Variants in CFAP54 observed in about 807,000 individuals in gnomAD.
CFAP54 encodes cilia and flagella associated protein 54, also known as cilia- and flagella-associated protein 54.
A neutral mutation model predicts 370.4 loss-of-function variants in CFAP54; 290 were observed. The observed-to-expected ratio is 0.78, with a 90% CI of 0.71 to 0.86. CFAP54 has a LOEUF of 0.86. Among genes scored for constraint, CFAP54 ranks in the 40% least tolerant of loss-of-function variants. The pLI is 0.00. For synonymous variants in CFAP54, 1,206 were observed against 1,236.5 expected, an observed-to-expected ratio of 0.98 and a Z score of 0.52; for missense variants, 3,399 against 3,528.7, an observed-to-expected ratio of 0.96 and a Z score of 0.93.
intron 1 of CFAP54, among the ~76,000 whole-genome samples, chr12:96,490,649 G>A (rs775938009): frequency 6.6e-6 from 1 of 151,864 alleles, no homozygotes; most frequent in Non-Finnish European, 1.5e-5. Context: ...CTGGGATCGC[G>A]CCACTACACT....
intron 26 of CFAP54, among the ~76,000 whole-genome samples, chr12:96,607,643 C>A (rs921346530): frequency 6.6e-6 from 1 of 152,142 alleles, no homozygotes; most frequent in Non-Finnish European, 1.5e-5. Flanking sequence ...AAGGAATAGG[C>A]TTCCTGAGTC....
intron 19 of CFAP54, 32 bp downstream of exon 19, chr12:96,564,797 G>T: frequency 1.8e-6 from 1 of 552,206 alleles, no homozygotes; most frequent in East Asian, 3.1e-5. Context: ...TTTTAATCCT[G>T]ACATAAAATT....
At chr12:96,795,585 C>T (rs1958753250) in intron 63 of CFAP54, among the ~76,000 whole-genome samples, 1 of 152,000 alleles carries the variant, frequency 6.6e-6, no homozygotes, top group Non-Finnish European at 1.5e-5. Flanking sequence ...TGACAGGCCT[C>T]ACCCAGCTCC....
chr12:96,611,756 C>T (rs921820107), intron 26 of CFAP54, among the ~76,000 whole-genome samples: 4 of 152,066 alleles, frequency 2.6e-5, no homozygotes, highest in Non-Finnish European at 5.9e-5. Context: ...CTTCAGTAGT[C>T]GATTTGATCA....
chr12:96,671,748 C>T (rs1957148761), intron 39 of CFAP54, among the ~76,000 whole-genome samples: 1 of 152,000 alleles, frequency 6.6e-6, no homozygotes, highest in Non-Finnish European at 1.5e-5. Flanking sequence ...ACGGTGAAAC[C>T]CCGTCTCTAC....
chr12:96,787,308 T>C (rs1212442187), intron 62 of CFAP54, among the ~76,000 whole-genome samples: 1 of 147,540 alleles, frequency 6.8e-6, no homozygotes, highest in Non-Finnish European at 1.5e-5. Context: ...TCATTGTGAG[T>C]ACCTTTTGCA....
rs1389152817 is a variant in CFAP54, at chr12:96,512,298, ATT to A, written c.740-685_740-684del. Among the ~76,000 whole-genome samples, 212 of 56,228 alleles carry A rather than the reference ATT, an allele frequency of 3.8e-3. 1 individual carries two copies. The highest frequency in any genetic ancestry group is 9.9e-3 in the African/African-American group (137 of 13,778). 36.9% of individuals were successfully genotyped at this position (56,228 alleles called of 152,430 possible). A position where few individuals can be genotyped will look rare whatever the true frequency, so the allele number is the denominator to read the frequency against. ...AATGATAAGGAAACCATGGGAACCAATTTTATATATATATATATATATATATA... is the reference window on the plus strand; with the variant it reads ...AATGATAAGGAAACCATGGGAACCAATTATATATATATATATATATATATA... On this transcript the variant is annotated intron_variant, in intron 4 of 67. Coordinates refer to ENST00000524981, the MANE Select transcript of CFAP54 (RefSeq NM_001306084.2).
At chr12:96,714,293 A>C (rs1957649418) in intron 48 of CFAP54, among the ~76,000 whole-genome samples, 1 of 152,226 alleles carries the variant, frequency 6.6e-6, no homozygotes, top group African/African-American at 2.4e-5. Flanking sequence ...AGGCATGTTA[A>C]GTGTGGGATG....
intron 60 of CFAP54, among the ~76,000 whole-genome samples, chr12:96,780,454 A>G (rs1358215903): frequency 6.6e-6 from 1 of 152,150 alleles, no homozygotes; most frequent in Non-Finnish European, 1.5e-5. Context: ...CTGCAGTGTT[A>G]CATCTCTCAT....
At chr12:96,598,352 A>T (rs1026560416) in intron 25 of CFAP54, among the ~76,000 whole-genome samples, 11 of 151,982 alleles carry the variant, frequency 7.2e-5, no homozygotes, top group Non-Finnish European at 2.9e-5. Flanking sequence ...TCACATTCTG[A>T]CTATACCTTT....
intron 5 of CFAP54, among the ~76,000 whole-genome samples, chr12:96,518,561 C>G (rs1406845042): frequency 6.6e-6 from 1 of 152,108 alleles, no homozygotes; most frequent in African/African-American, 2.4e-5. Flanking sequence ...TGGTGCACAC[C>G]TGTAGTTCCA....
Position 96,658,042 on chromosome 12 carries a change from TA to T in CFAP54, c.5262del (p.Leu1754PhefsTer10). 6.2e-7 allele frequency: 1 copy of T among 1,614,070 alleles called. No individual in the cohort carries two copies. Among genetic ancestry groups the T allele is most frequent in the Non-Finnish European group, 8.5e-7 (1 of 1,179,974 alleles). ...HDFVLKSLEV[L>X]YQVEKWETLV... ...TTTGTATTAAAATCTCTGGAAGTTT[TA>T]TATCAAGTGGAAAAATGGGAAACAC... On this transcript the variant is annotated frameshift_variant, in exon 37 of 68. Transcript: ENST00000524981. LOFTEE classifies it high-confidence loss of function.
At chr12:96,628,490 G>A (rs921054925) in intron 30 of CFAP54, among the ~76,000 whole-genome samples, 2 of 152,130 alleles carry the variant, frequency 1.3e-5, no homozygotes, top group South Asian at 2.1e-4. Flanking sequence ...AAGCACCCTG[G>A]TAGTGAGGGA....
At chr12:96,634,226 T>C (rs376512301) in intron 32 of CFAP54, among the ~76,000 whole-genome samples, 1 of 151,920 alleles carries the variant, frequency 6.6e-6, no homozygotes, top group Admixed American at 6.6e-5. Flanking sequence ...TGACTAATTT[T>C]TGTATTTTTA....
At chr12:96,687,799 T>C (rs1173691757) in intron 42 of CFAP54, among the ~76,000 whole-genome samples, 1 of 152,128 alleles carries the variant, frequency 6.6e-6, no homozygotes, top group Non-Finnish European at 1.5e-5. Context: ...AGCTTGGCAA[T>C]TGGGAATGGA....
intron 65 of CFAP54, among the ~76,000 whole-genome samples, chr12:96,825,040 C>A (rs1036161417): frequency 1.3e-5 from 2 of 151,028 alleles, no homozygotes; most frequent in Non-Finnish European, 2.9e-5. Context: ...TGACTCCCCC[C>A]ACCCTACGCG....
chr12:96,612,872 A>G (rs1034868725), intron 26 of CFAP54, among the ~76,000 whole-genome samples: 22 of 152,338 alleles, frequency 1.4e-4, no homozygotes, highest in African/African-American at 4.8e-4. Flanking sequence ...TTCGTAAAGC[A>G]AGTCCTTAGA....
At chr12:96,519,776 G>A (rs1565882528) in intron 6 of CFAP54, among the ~76,000 whole-genome samples, 5 of 152,150 alleles carry the variant, frequency 3.3e-5, no homozygotes. Context: ...CCTTTTTCTT[G>A]TAGTGAGAAC....
intron 60 of CFAP54, among the ~76,000 whole-genome samples, chr12:96,770,364 T>G (rs34474): frequency 1.5e-3 from 224 of 152,290 alleles, no homozygotes; most frequent in Non-Finnish European, 2.4e-3. Context: ...CACTGAAATC[T>G]GAGAAGGGAC....
Sources: allele counts gnomAD v4.1 joint callset (sites outside exome capture counted in the v4.1 genomes callset), GRCh38; gene constraint gnomAD v4.1.1; transcripts MANE v1.5; gene names NCBI Gene and HGNC (gene_info 2026-07-23, HGNC 2026-07-21).